Variants in NTRK2 observed in about 807,000 individuals in gnomAD.
NTRK2 encodes the protein neurotrophic receptor tyrosine kinase 2.
A neutral mutation model predicts 94.5 loss-of-function variants in NTRK2; 13 were observed. That is an observed-to-expected ratio of 0.14 (90% confidence interval 0.09 to 0.22). The LOEUF (loss-of-function observed/expected upper bound fraction) is 0.22. Among genes scored for constraint, NTRK2 ranks in the 10% least tolerant of loss-of-function variants. NTRK2 has a pLI of 1.00. For missense variants in NTRK2, 639 were observed against 1,071.2 expected, an observed-to-expected ratio of 0.60 and a Z score of 5.63; for synonymous variants, 372 against 407.4, an observed-to-expected ratio of 0.91 and a Z score of 1.05.
chr9:84,810,646 G>A, intron 12 of NTRK2: 1 of 1,611,742 alleles, frequency 6.2e-7, no homozygotes, highest in Admixed American at 1.7e-5. Context: ...CATGTAAGCT[G>A]GACTCCTGGG....
intron 2 of NTRK2, among the ~76,000 whole-genome samples, chr9:84,698,051 T>C (rs1458546457): frequency 6.6e-6 from 1 of 152,136 alleles, no homozygotes; most frequent in Admixed American, 6.5e-5. Context: ...GAAATAATAG[T>C]TGAATATTTT....
chr9:85,002,206 C>T (rs572688190), intron 17 of NTRK2, among the ~76,000 whole-genome samples: 1 of 152,188 alleles, frequency 6.6e-6, no homozygotes, highest in East Asian at 1.9e-4. Context: ...ACAAGCTTAC[C>T]CCCTACTGCC....
intron 14 of NTRK2, among the ~76,000 whole-genome samples, chr9:84,900,977 A>G (rs1234104567): frequency 6.6e-6 from 1 of 152,244 alleles, no homozygotes; most frequent in Non-Finnish European, 1.5e-5. Flanking sequence ...TAAACGGCAT[A>G]CAGTCAGCTC....
chr9:84,909,819 C>A (rs903898033), intron 14 of NTRK2, among the ~76,000 whole-genome samples: 2 of 151,848 alleles, frequency 1.3e-5, no homozygotes, highest in Non-Finnish European at 2.9e-5. Flanking sequence ...TTTATGTATT[C>A]TAGATAGTAG....
At chr9:85,017,077 A>C (rs1167247613) in intron 17 of NTRK2, among the ~76,000 whole-genome samples, 1 of 152,218 alleles carries the variant, frequency 6.6e-6, no homozygotes, top group Non-Finnish European at 1.5e-5. Context: ...TGACCAAAAA[A>C]AGTGGGTGCT....
intron 17 of NTRK2, among the ~76,000 whole-genome samples, chr9:84,976,001 A>G (rs991068872): frequency 1.3e-5 from 2 of 152,126 alleles, no homozygotes; most frequent in Non-Finnish European, 2.9e-5. Flanking sequence ...CTGCCTGACA[A>G]GAGCTCTGCC....
intron 14 of NTRK2, among the ~76,000 whole-genome samples, chr9:84,880,114 A>G (rs2076210600): frequency 6.6e-6 from 1 of 152,188 alleles, no homozygotes; most frequent in Non-Finnish European, 1.5e-5. Context: ...AGTTCAGAAA[A>G]TCCTAGAAAA....
chr9:84,849,068 A>G (rs1348856309), intron 12 of NTRK2, among the ~76,000 whole-genome samples: 1 of 152,194 alleles, frequency 6.6e-6, no homozygotes, highest in Non-Finnish European at 1.5e-5. Flanking sequence ...TAAAAGGCCT[A>G]TATTTTTATA....
intron 17 of NTRK2, among the ~76,000 whole-genome samples, chr9:84,987,052 G>A (rs181157768): frequency 6.6e-6 from 1 of 152,236 alleles, no homozygotes; most frequent in Admixed American, 6.5e-5. Context: ...TCCTATAAAT[G>A]GGATCATATA....
intron 9 of NTRK2, among the ~76,000 whole-genome samples, chr9:84,736,619 A>G (rs2063279473): frequency 1.3e-5 from 2 of 152,216 alleles, no homozygotes. Flanking sequence ...TCTGCCTTAA[A>G]TAACTGAGAA....
chr9:85,021,102 A>G (rs1245598073), intron 18 of NTRK2, 150 bp from the exon 19 acceptor site: 4 of 709,928 alleles, frequency 5.6e-6, no homozygotes, highest in Admixed American at 2.1e-5. Context: ...AAACTAACCT[A>G]TAATAATTGC....
intron 12 of NTRK2, among the ~76,000 whole-genome samples, chr9:84,807,246 A>G (rs564965938): frequency 7.2e-5 from 11 of 152,336 alleles, no homozygotes; most frequent in Admixed American, 7.2e-4. Flanking sequence ...AAATAAATTT[A>G]AATGGGTTGT....
At chr9:84,998,438 G>A (rs959887939) in intron 17 of NTRK2, among the ~76,000 whole-genome samples, 13 of 152,148 alleles carry the variant, frequency 8.5e-5, no homozygotes, top group African/African-American at 3.1e-4. Flanking sequence ...CACCTGTCTG[G>A]CTACCAGCTC....
rs200483341 is a variant in NTRK2, at chr9:84,962,270, TCAA to T, written c.2172+6754_2172+6756del. On this transcript the variant is annotated intron_variant, in intron 17 of 18. Coordinates refer to ENST00000277120, the MANE Select transcript of NTRK2 (RefSeq NM_006180.6). ...CCCATCAGCTGTCAGTGGATGTGCT[TCAA>T]AAATGTGATCTTGTAATCATAAGGT... 9.6e-3 allele frequency among the ~76,000 whole-genome samples: 1,469 copies of T among 152,334 alleles called. 25 individuals carry two copies. Among genetic ancestry groups the T allele is most frequent in the African/African-American group, 0.034 (1,418 of 41,574 alleles).
chr9:84,894,954 T>C (rs2076716067), intron 14 of NTRK2, among the ~76,000 whole-genome samples: 2 of 152,186 alleles, frequency 1.3e-5, no homozygotes. Context: ...CATACAGGTT[T>C]ATGATTCAAG....
intron 12 of NTRK2, among the ~76,000 whole-genome samples, chr9:84,816,731 G>T (rs567532713): frequency 4.1e-5 from 6 of 145,526 alleles, no homozygotes; most frequent in African/African-American, 1.3e-4. Context: ...GTGAGCCAAG[G>T]TTGCGCCATT....
At chr9:84,746,950 C>T (rs921848996) in intron 11 of NTRK2, among the ~76,000 whole-genome samples, 3 of 152,226 alleles carry the variant, frequency 2.0e-5, no homozygotes, top group Non-Finnish European at 4.4e-5. Context: ...TTTTTCACAG[C>T]TGTCTTCTTA....
Position 85,027,035 on chromosome 9 carries a change from A to G in NTRK2, c.*5598A>G, listed in dbSNP as rs2118148267. On this transcript the variant is annotated 3_prime_UTR_variant, in exon 19 of 19. Transcript: ENST00000277120. ...TATTTAATAAAAATGATGTCTTACA[A>G]TAAATAACATACTCCAAAAGAGAGA... 1 of 231,192 alleles carries G rather than the reference A, an allele frequency of 4.3e-6. No individual in the cohort carries two copies. Among genetic ancestry groups the G allele is most frequent in the East Asian group, 6.2e-5 (1 of 16,208 alleles). The allele number at this position is 231,192 out of a possible 1,614,324, so 14.3% of individuals were successfully genotyped here. A position where few individuals can be genotyped will look rare whatever the true frequency, so the allele number is the denominator to read the frequency against.
intron 17 of NTRK2, among the ~76,000 whole-genome samples, chr9:84,986,674 C>T (rs1009727667): frequency 6.7e-6 from 1 of 149,402 alleles, no homozygotes; most frequent in African/African-American, 2.5e-5. Context: ...TTATGCATCT[C>T]ATTTGTTGAC....
Sources: gnomAD v4.1 joint callset for allele counts (sites outside exome capture counted in the v4.1 genomes callset) on GRCh38, gnomAD v4.1.1 for gene constraint, MANE v1.5 for transcripts, NCBI Gene and HGNC (gene_info 2026-07-23, HGNC 2026-07-21) for gene names.